CARHSP1: variants seen among roughly 807,000 people sequenced by gnomAD.
The protein encoded by CARHSP1 is calcium-regulated heat-stable protein 1.
Under a neutral mutation model 12.5 loss-of-function variants are expected in CARHSP1, and 14 were observed. The ratio of observed to expected loss-of-function variants is 1.12; its 90% CI spans 0.74 to 1.75. The LOEUF is 1.75. Ranked by LOEUF, CARHSP1 falls within the 40% of genes most tolerant of loss-of-function variation. The pLI is 0.00. For synonymous variants in CARHSP1, 161 were observed against 82.0 expected, an observed-to-expected ratio of 1.96 and a Z score of -5.20; for missense variants, 343 against 201.6, an observed-to-expected ratio of 1.70 and a Z score of -4.25.
chr16:8,857,533 C>G (rs1379918450), intron 3 of CARHSP1: 1 of 142,582 alleles, frequency 7.0e-6, no homozygotes, highest in Non-Finnish European at 1.5e-5. Context: ...CTCAGGTGAT[C>G]CGCCTGCCTC....
At chr16:8,858,496 G>C in intron 2 of CARHSP1, 24 bp from the exon 3 acceptor site, 1 of 1,611,572 alleles carries the variant, frequency 6.2e-7, no homozygotes, top group Non-Finnish European at 8.5e-7. Flanking sequence ...GGAAATGTCA[G>C]GGGCCCCATC....
intron 1 of CARHSP1, among the ~76,000 whole-genome samples, chr16:8,865,248 T>C (rs971918313): frequency 1.3e-5 from 2 of 152,134 alleles, no homozygotes; most frequent in African/African-American, 4.8e-5. Context: ...TAGCTGGGAC[T>C]ACAGGCATGT....
At chr16:8,856,711 G>C (rs1323381345) in intron 3 of CARHSP1, among the ~76,000 whole-genome samples, 2 of 152,176 alleles carry the variant, frequency 1.3e-5, no homozygotes. Context: ...GGTATGCTGT[G>C]CAGAGTAGGA....
intron 1 of CARHSP1, among the ~76,000 whole-genome samples, chr16:8,865,596 T>C (rs1464897622): frequency 2.0e-5 from 3 of 152,150 alleles, no homozygotes; most frequent in Admixed American, 6.5e-5. Context: ...GGGTTGGGCA[T>C]GGTGTTGGGG....
intron 1 of CARHSP1, 90 bp from the exon 2 acceptor site, chr16:8,859,425 C>T: frequency 3.3e-6 from 4 of 1,195,876 alleles, no homozygotes; most frequent in Non-Finnish European, 4.7e-6. Flanking sequence ...AGTCCAGTAT[C>T]TGAGGCTCAT....
In CARHSP1 at chr16:8,855,230, G is replaced by T. The variant is rs374009548; in HGVS notation, c.378C>A (p.Val126=). Residue 126 remains valine, a synonymous_variant, in exon 4 of 4, where the codon GTC becomes GTA. Coordinates refer to ENST00000311052, the MANE Select transcript of CARHSP1 (RefSeq NM_014316.4). ...PKNEKLQAVE[V]VITHLAPGTK... is the part of the protein sequence containing the mutation. ...TGCCTGGTGCCAGGTGAGTGATGAC[G>T]ACCTCCACGGCCTGCAGCTTCTCAT... 9.7e-5 allele frequency: 156 copies of T among 1,613,014 alleles called. No homozygotes were observed. The highest frequency in any genetic ancestry group is 1.3e-4 in the Non-Finnish European group (149 of 1,179,436).
intron 1 of CARHSP1, chr16:8,868,228 C>T (rs2061480169): frequency 6.6e-6 from 1 of 152,284 alleles, no homozygotes; most frequent in Admixed American, 6.5e-5. Flanking sequence ...GTCTCCGCCT[C>T]CCCCAGCACA....
intron 2 of CARHSP1, 60 bp downstream of exon 2, chr16:8,859,111 T>C: frequency 2.7e-6 from 4 of 1,473,728 alleles, no homozygotes; most frequent in Non-Finnish European, 3.7e-6. Context: ...ACACAGTGAA[T>C]CTCTGGCCTC....
intron 3 of CARHSP1, chr16:8,857,762 T>TTA (rs1567181995): frequency 1.6e-5 from 1 of 63,154 alleles, no homozygotes; most frequent in East Asian, 5.6e-4. Flanking sequence ...GCTCATTATT[T>TTA]TTTTTTTTTT....
intron 2 of CARHSP1, chr16:8,858,929 G>T: frequency 2.2e-6 from 1 of 463,962 alleles, no homozygotes. Flanking sequence ...CAGCGATTCT[G>T]ACCCCAGCAA....
At chr16:8,858,317 C>A (rs927621661) in intron 3 of CARHSP1, 33 bp downstream of exon 3, 2 of 1,607,978 alleles carry the variant, frequency 1.2e-6, no homozygotes, top group East Asian at 2.2e-5. Flanking sequence ...GCGCCCACCC[C>A]AGCCAGGCCA....
chr16:8,857,268 T>TTGTTTTTTTTTG (rs1295437087), intron 3 of CARHSP1, among the ~76,000 whole-genome samples: 1 of 20,290 alleles, frequency 4.9e-5, no homozygotes, highest in African/African-American at 1.8e-4. Flanking sequence ...GATCTGTTTT[T>TTGTTTTTTTTTG]TTTTTTTTTT....
At position 8,855,107 on chromosome 16, in the gene CARHSP1, G is replaced by A. The variant is rs778795377; in HGVS notation, c.*57C>T. 5 of 1,417,306 alleles carry A rather than the reference G, an allele frequency of 3.5e-6. No homozygotes were observed. Among genetic ancestry groups the A allele is most frequent in the Admixed American group, 2.3e-5 (1 of 43,862 alleles). 87.8% of individuals were successfully genotyped at this position (1,417,306 alleles called of 1,614,324 possible). A position where few individuals can be genotyped will look rare whatever the true frequency, so the allele number is the denominator to read the frequency against. ...AAGAATGTCATCTCCAGTGTCTGCT[G>A]CCTCCTCCCTGCAAAGTCTCCCACA... On this transcript the variant is annotated 3_prime_UTR_variant, in exon 4 of 4. Coordinates refer to ENST00000311052, the MANE Select transcript of CARHSP1 (RefSeq NM_014316.4).
In CARHSP1 at chr16:8,859,228, A is replaced by G. The variant is rs770159265; in HGVS notation, c.101T>C (p.Leu34Pro). 11 of 1,600,686 alleles carry G rather than the reference A, an allele frequency of 6.9e-6. No homozygotes were observed. The African/African-American group carries it at 8.3e-5, about 12-fold the overall frequency. Reference protein sequence around the residue: ...PRSRERSPSPLRGNVVPSPLP... With the variant: ...PRSRERSPSPPRGNVVPSPLP... ...TGGGCTTGGGACCACGTTGCCCCGCAGAGGGGATGGTGAGCGCTCACGGCT... is the reference window on the plus strand; with the variant it reads ...TGGGCTTGGGACCACGTTGCCCCGCGGAGGGGATGGTGAGCGCTCACGGCT... Residue 34 changes from leucine (L) to proline (P), a missense_variant, in exon 2 of 4, where the codon CTG (leucine) becomes CCG (proline). Physicochemically the swap from Leu to Pro is moderately conservative, Grantham distance 98 (BLOSUM62 -3). Coordinates refer to ENST00000311052, the MANE Select transcript of CARHSP1 (RefSeq NM_014316.4).
intron 3 of CARHSP1, among the ~76,000 whole-genome samples, chr16:8,857,053 C>T (rs977500413): frequency 1.3e-5 from 2 of 152,170 alleles, no homozygotes; most frequent in Non-Finnish European, 2.9e-5. Context: ...GGGCAGGAAG[C>T]TGGACTGGTC....
rs1279994950 is a variant in CARHSP1, at chr16:8,858,427, T to C, written c.204A>G (p.Lys68=). Residue 68 remains lysine, a synonymous_variant, in exon 3 of 4, where the codon AAA becomes AAG. Transcript: ENST00000311052. The part of the protein sequence containing the change: ...SQGPVYKGVC[K]CFCRSKGHGF... ...CATGGCCCTTGGACCGGCAGAAGCA[T>C]TTGCAGACTCCTTTGTAGACGGGGC... is the stretch of plus-strand genomic sequence containing the variant. The C allele has an allele frequency of 6.2e-7, 1 of 1,613,912 alleles. No homozygotes were observed. Among genetic ancestry groups the C allele is most frequent in the East Asian group, 2.2e-5 (1 of 44,876 alleles).
At chr16:8,868,909 T>A (rs1399782042) in intron 1 of CARHSP1, 57 bp downstream of exon 1, 1 of 151,700 alleles carries the variant, frequency 6.6e-6, no homozygotes, top group Non-Finnish European at 1.5e-5. Context: ...CCCCTGCGGC[T>A]CCCGGGGCCG....
intron 1 of CARHSP1, among the ~76,000 whole-genome samples, chr16:8,864,436 G>C (rs1358891434): frequency 6.6e-6 from 1 of 152,170 alleles, no homozygotes; most frequent in Admixed American, 6.5e-5. Context: ...GCAGTGTCCT[G>C]GGGCCATTCT....
chr16:8,866,462 C>T, intron 1 of CARHSP1: 3 of 985,412 alleles, frequency 3.0e-6, no homozygotes, highest in Non-Finnish European at 3.6e-6. Context: ...CAGACAGAGA[C>T]ACTGAGCTGA....
Sources: gnomAD v4.1 joint callset for allele counts (sites outside exome capture counted in the v4.1 genomes callset) on GRCh38, gnomAD v4.1.1 for gene constraint, MANE v1.5 for transcripts, NCBI Gene and HGNC (gene_info 2026-07-23, HGNC 2026-07-21) for gene names.